Variants in TBX18 observed in about 807,000 individuals in gnomAD.
TBX18 encodes the protein T-box transcription factor TBX18.
Under a neutral mutation model 55.0 loss-of-function variants are expected in TBX18, and 21 were observed. The ratio of observed to expected loss-of-function variants is 0.38; its 90% confidence interval spans 0.27 to 0.55. The LOEUF (loss-of-function observed/expected upper bound fraction) is 0.55. Among genes scored for constraint, TBX18 ranks in the 20% least tolerant of loss-of-function variants. The pLI is 0.73. For synonymous variants in TBX18, 342 were observed against 326.1 expected (o/e 1.05, Z -0.53); for missense variants, 840 against 799.6 (o/e 1.05, Z -0.61).
At chr6:84,754,081 C>T (rs547909333) in intron 4 of TBX18, among the ~76,000 whole-genome samples, 26 of 152,258 alleles carry the variant, frequency 1.7e-4, no homozygotes, top group Admixed American at 1.3e-3. Flanking sequence ...GCAAACACCA[C>T]CACGCCTGGC....
In TBX18 at chr6:84,738,605, G is replaced by C. The variant is rs770766753; in HGVS notation, c.1005-14C>G. ...TCCAAACCCATTCTAAATGGAAAGG[G>C]TCAGGATAGGGGTGGACAAAAGAAG... On this transcript the variant is annotated splice_polypyrimidine_tract_variant and intron_variant, in intron 6 of 7. Coordinates refer to ENST00000369663, the MANE Select transcript of TBX18 (RefSeq NM_001080508.3). 6.2e-7 allele frequency: 1 copy of C among 1,603,892 alleles called. No individual in the cohort carries two copies. The highest frequency in any genetic ancestry group is 1.1e-5 in the South Asian group (1 of 90,862).
At position 84,737,346 on chromosome 6, in the gene TBX18, T is replaced by C. The variant is rs1766904768; in HGVS notation, c.1163A>G (p.His388Arg). 6.4e-7 allele frequency: 1 copy of C among 1,566,690 alleles called. No homozygotes were observed. The highest frequency in any genetic ancestry group is 8.6e-7 in the Non-Finnish European group (1 of 1,158,718). Residue 388 changes from histidine (H) to arginine (R), a missense_variant, in exon 8 of 8, where the codon CAC becomes CGC. Physicochemically the swap from His to Arg is conservative, Grantham distance 29. Transcript: ENST00000369663. ...TGNGVPATHPHLLSGSSCSSP... is the reference protein window; with the variant it reads ...TGNGVPATHPRLLSGSSCSSP... ...GGAGCAAGAGGAGCCAGACAAAAGG[T>C]GAGGGTGAGTGGCAGGAACGCCATT...
At chr6:84,741,570 T>C (rs767668943) in intron 6 of TBX18, 1 of 152,224 alleles carries the variant, frequency 6.6e-6, no homozygotes, top group Non-Finnish European at 1.5e-5. Flanking sequence ...AAAAGGATAA[T>C]TTTTAATTAA....
At chr6:84,748,209 G>T in intron 4 of TBX18, 122 bp from the exon 5 acceptor site, 1 of 647,708 alleles carries the variant, frequency 1.5e-6, no homozygotes, top group Non-Finnish European at 2.4e-6. Flanking sequence ...ATGCAGAGGT[G>T]TCAATTTAAT....
chr6:84,756,576 G>A (rs1767493366), intron 4 of TBX18, 122 bp downstream of exon 4: 1 of 950,308 alleles, frequency 1.1e-6, no homozygotes, highest in South Asian at 1.6e-5. Context: ...CAAAGACAGT[G>A]TACATACTAA....
Position 84,746,202 on chromosome 6 carries a change from A to G in TBX18, c.939+1718T>C, listed in dbSNP as rs111768443. Among the ~76,000 whole-genome samples, 287 of 152,130 alleles carry G rather than the reference A, an allele frequency of 1.9e-3. 1 individual carries two copies. The highest frequency in any genetic ancestry group is 5.4e-3 in the African/African-American group (224 of 41,546). On this transcript the variant is annotated intron_variant, in intron 5 of 7. Coordinates refer to ENST00000369663, the MANE Select transcript of TBX18 (RefSeq NM_001080508.3). ...CCACAGAGGGTGGAAGAAAATATGC[A>G]AAGTGCACAGTTAATTTGTGTGTGA...
intron 4 of TBX18, among the ~76,000 whole-genome samples, chr6:84,753,355 A>C (rs2127878168): frequency 6.6e-6 from 1 of 152,276 alleles, no homozygotes; most frequent in East Asian, 1.9e-4. Context: ...AAATTAATAA[A>C]GTCCCAGGTC....
chr6:84,739,655 A>G (rs1766995851), intron 6 of TBX18, among the ~76,000 whole-genome samples: 1 of 152,096 alleles, frequency 6.6e-6, no homozygotes, highest in African/African-American at 2.4e-5. Context: ...CCAATAATAG[A>G]CATCTCCTTT....
At chr6:84,758,942 CAATT>C (rs1209382653) in intron 3 of TBX18, among the ~76,000 whole-genome samples, 4 of 151,838 alleles carry the variant, frequency 2.6e-5, no homozygotes, top group African/African-American at 9.7e-5. Context: ...AAATTTGAAT[CAATT>C]AAGTAAAATA....
In TBX18 at chr6:84,746,474, GTATAT is replaced by G. The variant is rs537412334; in HGVS notation, c.939+1441_939+1445del. ...TTCGTATATTATATATTATTGTACAGTATATTATACTATTTATATATTTATATTGA... is the reference window on the plus strand; with the variant it reads ...TTCGTATATTATATATTATTGTACAGTATACTATTTATATATTTATATTGA... On this transcript the variant is annotated intron_variant, in intron 5 of 7. Transcript: ENST00000369663. 3.1e-3 allele frequency among the ~76,000 whole-genome samples: 447 copies of G among 143,740 alleles called. 1 individual carries two copies. The highest frequency in any genetic ancestry group is 0.01 in the African/African-American group (400 of 39,610). 94.3% of individuals were successfully genotyped at this position (143,740 alleles called of 152,430 possible). A position where few individuals can be genotyped will look rare whatever the true frequency, so the allele number is the denominator to read the frequency against.
chr6:84,737,172 C>T lies in TBX18; in HGVS notation c.1337G>A (p.Gly446Asp). The part of the protein sequence containing the change: ...ETYNRLTNQA[G>D]ETFAPPRTPS... Reference sequence around the variant, plus strand: ...AGTCCTGGGCGGGGCAAAGGTCTCACCAGCCTGGTTGGTGAGCCTGTTGTA... The same window carrying T: ...AGTCCTGGGCGGGGCAAAGGTCTCATCAGCCTGGTTGGTGAGCCTGTTGTA... Residue 446 changes from glycine (G) to aspartate (D), a missense_variant, in exon 8 of 8, where the codon GGT becomes GAT. Coordinates refer to ENST00000369663, the MANE Select transcript of TBX18 (RefSeq NM_001080508.3). The T allele has an allele frequency of 6.2e-7, 1 of 1,613,842 alleles. No individual in the cohort carries two copies. Among genetic ancestry groups the T allele is most frequent in the Non-Finnish European group, 8.5e-7 (1 of 1,179,844 alleles).
chr6:84,745,885 G>A (rs1767169125), intron 5 of TBX18, among the ~76,000 whole-genome samples: 1 of 151,996 alleles, frequency 6.6e-6, no homozygotes, highest in South Asian at 2.1e-4. Flanking sequence ...TTAATTACTA[G>A]AGCAACTTAT....
At chr6:84,742,972 A>G (rs1281527634) in intron 6 of TBX18, among the ~76,000 whole-genome samples, 1 of 151,332 alleles carries the variant, frequency 6.6e-6, no homozygotes, top group Non-Finnish European at 1.5e-5. Context: ...TCTGAAAAAC[A>G]AGGTTAACCA....
chr6:84,750,215 G>A (rs921402429), intron 4 of TBX18, among the ~76,000 whole-genome samples: 1 of 151,614 alleles, frequency 6.6e-6, no homozygotes, highest in Non-Finnish European at 1.5e-5. Flanking sequence ...AATCCGGGAG[G>A]CGGAGGTTGC....
chr6:84,759,827 G>A (rs560202332), intron 3 of TBX18, among the ~76,000 whole-genome samples: 50 of 151,698 alleles, frequency 3.3e-4, no homozygotes, highest in African/African-American at 6.3e-4. Context: ...AACATTGATG[G>A]TTTTGTATGT....
intron 2 of TBX18, among the ~76,000 whole-genome samples, chr6:84,762,333 A>C (rs917258330): frequency 6.6e-6 from 1 of 152,216 alleles, no homozygotes; most frequent in Non-Finnish European, 1.5e-5. Context: ...ATTCAACCAG[A>C]GGGCAGTTGG....
At chr6:84,757,028 C>T (rs1478152556) in intron 3 of TBX18, among the ~76,000 whole-genome samples, 159 bp from the exon 4 acceptor site, 2 of 152,310 alleles carry the variant, frequency 1.3e-5, no homozygotes, top group East Asian at 3.9e-4. Context: ...TTCCAAACCA[C>T]TCTGAGGCAG....
rs377115413 is a variant in TBX18, at chr6:84,738,531, C to T, written c.1065G>A (p.Leu355=). Residue 355 remains leucine (L), a synonymous_variant, in exon 7 of 8, where the codon CTG becomes CTA. Transcript: ENST00000369663. ...YAFWRPSLRT[L]TFEDIPGIPK... ...GAATTCCAGGGATATCTTCAAAGGTCAGAGTCCGTAGTGATGGTCGCCAGA... is the reference window on the plus strand; with the variant it reads ...GAATTCCAGGGATATCTTCAAAGGTTAGAGTCCGTAGTGATGGTCGCCAGA... The T allele has an allele frequency of 4.3e-6, 7 of 1,614,058 alleles. No individual in the cohort carries two copies. The highest frequency in any genetic ancestry group is 5.9e-6 in the Non-Finnish European group (7 of 1,180,016).
Position 84,763,002 on chromosome 6 carries a change from C to T in TBX18, c.293-254G>A, listed in dbSNP as rs1446017965. On this transcript the variant is annotated intron_variant, in intron 1 of 7. Transcript: ENST00000369663. ...CCCAAGCCCGGGAGAGGCGCGCGGG[C>T]AGCGTCCACCCCACCCGCTGGGCCT... 5 of 555,746 alleles carry T rather than the reference C, an allele frequency of 9.0e-6. No homozygotes were observed. The East Asian group carries it at 1.6e-4, about 17-fold the overall frequency. The allele number at this position is 555,746 out of a possible 1,614,324, so 34.4% of individuals were successfully genotyped here. A position where few individuals can be genotyped will look rare whatever the true frequency, so the allele number is the denominator to read the frequency against.
Sources: gnomAD v4.1 joint callset for allele counts (sites outside exome capture counted in the v4.1 genomes callset) on GRCh38, gnomAD v4.1.1 for gene constraint, MANE v1.5 for transcripts, NCBI Gene and HGNC (gene_info 2026-07-23, HGNC 2026-07-21) for gene names.